TMEM242: variants seen among roughly 807,000 people sequenced by gnomAD.
TMEM242 encodes the protein UPF0463 transmembrane protein C6orf35.
Under a neutral mutation model 18.2 loss-of-function variants are expected in TMEM242, and 10 were observed. That is an observed-to-expected ratio of 0.55 (90% confidence interval 0.34 to 0.93). TMEM242 has a LOEUF of 0.93. TMEM242 is among the 40% of genes least tolerant of loss of function. The pLI is 0.02. For missense variants in TMEM242, 186 were observed against 175.5 expected (o/e 1.06, Z -0.34); for synonymous variants, 57 against 69.9 (o/e 0.81, Z 0.92).
chr6:157,310,017 G>A lies in TMEM242; in HGVS notation c.327+8765C>T, dbSNP rs993543575. ...TAGAGCACAGGTCCACAGACATAGC[G>A]CATACCCCCCTGATAAAGTTCTAAT... On this transcript the variant is annotated intron_variant, in intron 3 of 3. Coordinates refer to ENST00000400788, the MANE Select transcript of TMEM242 (RefSeq NM_018452.6). 5.3e-5 allele frequency among the ~76,000 whole-genome samples: 8 copies of A among 152,104 alleles called. No homozygotes were observed. The South Asian group carries it at 8.3e-4, about 16-fold the overall frequency.
intron 3 of TMEM242, among the ~76,000 whole-genome samples, chr6:157,298,691 T>C (rs1342989556): frequency 6.6e-6 from 1 of 152,240 alleles, no homozygotes; most frequent in Non-Finnish European, 1.5e-5. Context: ...TAAATGAACA[T>C]AGGTATAAGC....
chr6:157,306,297 A>C (rs1339264726), intron 3 of TMEM242, among the ~76,000 whole-genome samples: 2 of 152,222 alleles, frequency 1.3e-5, no homozygotes, highest in Non-Finnish European at 2.9e-5. Context: ...GGCGGGAGGC[A>C]GGGAGAACAG....
chr6:157,312,475 T>G (rs797033819), intron 3 of TMEM242, among the ~76,000 whole-genome samples: 3 of 68,616 alleles, frequency 4.4e-5, no homozygotes, highest in Admixed American at 1.6e-4. Context: ...TGCACTCACC[T>G]AGCCTCATCA....
chr6:157,313,147 C>T (rs1554249638), intron 3 of TMEM242, among the ~76,000 whole-genome samples: 65 of 135,554 alleles, frequency 4.8e-4, no homozygotes, highest in South Asian at 1.0e-3. Context: ...TCCCAGTGTG[C>T]GCTCACCTGG....
At chr6:157,316,696 G>A (rs1554250371) in intron 3 of TMEM242, among the ~76,000 whole-genome samples, 1 of 151,938 alleles carries the variant, frequency 6.6e-6, no homozygotes, top group African/African-American at 2.4e-5. Flanking sequence ...GCAACATAAT[G>A]AGACCTCATC....
Position 157,310,422 on chromosome 6 carries a change from T to G in TMEM242, c.327+8360A>C, listed in dbSNP as rs1554248276. On this transcript the variant is annotated intron_variant, in intron 3 of 3. Transcript: ENST00000400788. ...TGTCCCAGTGGGCACTCACCTGGCC[T>G]CATCATAGTGTCCCAGTGTGCACTC... 4.1e-5 allele frequency among the ~76,000 whole-genome samples: 6 copies of G among 146,712 alleles called. No homozygotes were observed. The East Asian group carries it at 1.0e-3, about 25-fold the overall frequency.
chr6:157,314,280 ATCATAGTGTCGCAGTGTGCACTCACCTG>A (rs1778337581), intron 3 of TMEM242, among the ~76,000 whole-genome samples: 1 of 147,520 alleles, frequency 6.8e-6, no homozygotes, highest in Non-Finnish European at 1.5e-5. Context: ...ACCTGGCCTC[ATCATAGTGTCGCAGTGTGCACTCACCTG>A]GCCTCATCAT....
intron 3 of TMEM242, among the ~76,000 whole-genome samples, chr6:157,316,214 T>G (rs145300598): frequency 0.032 from 4,926 of 152,294 alleles, 128 homozygotes; most frequent in Admixed American, 0.047. Flanking sequence ...AGAAGCTTAA[T>G]AACTTTATTA....
At position 157,305,750 on chromosome 6, in the gene TMEM242, A is replaced by AG. The variant is rs1245139751; in HGVS notation, c.328-12752dup. 2.8e-5 allele frequency among the ~76,000 whole-genome samples: 3 copies of AG among 108,922 alleles called. No homozygotes were observed. The highest frequency in any genetic ancestry group is 8.5e-4 in the South Asian group (2 of 2,358). The allele number at this position is 108,922 out of a possible 152,430, so 71.5% of individuals were successfully genotyped here. A position where few individuals can be genotyped will look rare whatever the true frequency, so the allele number is the denominator to read the frequency against. On this transcript the variant is annotated intron_variant, in intron 3 of 3. Coordinates refer to ENST00000400788, the MANE Select transcript of TMEM242 (RefSeq NM_018452.6). The surrounding 1 kb of genome is among the most constrained non-coding windows in gnomAD (Gnocchi z 4.1). ...CAGAAGCCACAGTGTTTCAGGATGG[A>AG]GGGGGGGCTCCATTGTGCCCAAATG...
At position 157,323,401 on chromosome 6, in the gene TMEM242, G is replaced by A. The variant is rs201615032; in HGVS notation, c.88+11C>T. 6.2e-7 allele frequency: 1 copy of A among 1,613,774 alleles called. No homozygotes were observed. Among genetic ancestry groups the A allele is most frequent in the East Asian group, 2.2e-5 (1 of 44,866 alleles). ...ACCCCGACGCCCGCACCTCACCACA[G>A]CACATCTTACCTTTAACCAGGAAAA... On this transcript the variant is annotated intron_variant, in intron 1 of 3. Coordinates refer to ENST00000400788, the MANE Select transcript of TMEM242 (RefSeq NM_018452.6).
chr6:157,306,819 C>T (rs1427498969), intron 3 of TMEM242, among the ~76,000 whole-genome samples: 3 of 152,094 alleles, frequency 2.0e-5, no homozygotes, highest in African/African-American at 7.2e-5. Flanking sequence ...TAGAATCTGT[C>T]AGTATAAGAA....
intron 3 of TMEM242, among the ~76,000 whole-genome samples, chr6:157,311,103 TC>T (rs1778048458): frequency 2.9e-5 from 1 of 34,726 alleles, no homozygotes; most frequent in Non-Finnish European, 6.0e-5. Flanking sequence ...CATCATAGTG[TC>T]CCAGTGTGCA....
At chr6:157,315,507 GTCTC>G (rs1402884982) in intron 3 of TMEM242, among the ~76,000 whole-genome samples, 1 of 152,160 alleles carries the variant, frequency 6.6e-6, no homozygotes, top group Non-Finnish European at 1.5e-5. Context: ...TGCATATGCA[GTCTC>G]TCTTTTTACT....
At chr6:157,300,065 A>G in intron 3 of TMEM242, 1 of 760,310 alleles carries the variant, frequency 1.3e-6, no homozygotes, top group Non-Finnish European at 2.3e-6. Context: ...CAGGGACAGG[A>G]AATTCGCTCC....
At chr6:157,302,711 ACAG>A (rs1554247609) in intron 3 of TMEM242, among the ~76,000 whole-genome samples, 1 of 152,238 alleles carries the variant, frequency 6.6e-6, no homozygotes, top group East Asian at 1.9e-4. Context: ...GTATAGCTAG[ACAG>A]CTCCCTAGTG....
rs4580898 is a variant in TMEM242, at chr6:157,303,579, T to G, written c.328-10580A>C. On this transcript the variant is annotated intron_variant, in intron 3 of 3. Transcript: ENST00000400788. ...AACTATTTTTATCCTTTAAAGTTAT[T>G]TAAAATGTTCTGTTCTTTGGAAAGC... Among the ~76,000 whole-genome samples, 1,330 of 152,306 alleles carry G rather than the reference T, an allele frequency of 8.7e-3. 6 individuals carry two copies. Among genetic ancestry groups the G allele is most frequent in the Non-Finnish European group, 0.013 (914 of 68,018 alleles).
chr6:157,313,505 TAG>T (rs1778279707), intron 3 of TMEM242, among the ~76,000 whole-genome samples: 4 of 145,138 alleles, frequency 2.8e-5, no homozygotes, highest in East Asian at 2.1e-4. Context: ...AGACTCATCA[TAG>T]TACCCCAGTG....
intron 3 of TMEM242, among the ~76,000 whole-genome samples, chr6:157,313,126 T>C (rs1554249630): frequency 3.4e-5 from 5 of 146,378 alleles, no homozygotes; most frequent in African/African-American, 7.6e-5. Context: ...TCACCCGGCC[T>C]CATCATAGTG....
chr6:157,307,363 C>G (rs1777929139), intron 3 of TMEM242, among the ~76,000 whole-genome samples: 2 of 152,120 alleles, frequency 1.3e-5, no homozygotes, highest in African/African-American at 2.4e-5. Flanking sequence ...CTGATTTGTC[C>G]CAGTCCTTGT....
Sources: gnomAD v4.1 joint callset for allele counts (sites outside exome capture counted in the v4.1 genomes callset) on GRCh38, gnomAD v4.1.1 for gene constraint, Gnocchi (gnomAD v3.1) non-coding constraint, MANE v1.5 for transcripts, NCBI Gene and HGNC (gene_info 2026-07-23, HGNC 2026-07-21) for gene names.